Variants in GLRB observed in about 807,000 individuals in gnomAD.
The protein encoded by GLRB is glycine receptor beta, also known as glycine receptor subunit beta.
A neutral mutation model predicts 54.2 loss-of-function variants in GLRB; 33 were observed. The ratio of observed to expected loss-of-function variants is 0.61; its 90% confidence interval spans 0.46 to 0.81. The LOEUF is 0.81. Among genes scored for constraint, GLRB ranks in the 40% least tolerant of loss-of-function variants. GLRB has a pLI of 0.00. For missense variants in GLRB, 572 were observed against 584.6 expected, an observed-to-expected ratio of 0.98 and a Z score of 0.22; for synonymous variants, 209 against 208.2, an observed-to-expected ratio of 1.00 and a Z score of -0.03.
At chr4:157,127,822 C>CA (rs1736068823) in intron 4 of GLRB, among the ~76,000 whole-genome samples, 1 of 151,868 alleles carries the variant, frequency 6.6e-6, no homozygotes, top group African/African-American at 2.4e-5. Flanking sequence ...ACCAGCCCCT[C>CA]AGACAGAACA....
At chr4:157,098,301 C>T (rs994853606) in intron 2 of GLRB, among the ~76,000 whole-genome samples, 5 of 151,934 alleles carry the variant, frequency 3.3e-5, no homozygotes, top group Non-Finnish European at 5.9e-5. Context: ...CTATATTTAT[C>T]GATTTTACTG....
At chr4:157,120,909 T>C (rs984402944) in intron 3 of GLRB, among the ~76,000 whole-genome samples, 23 of 151,682 alleles carry the variant, frequency 1.5e-4, no homozygotes, top group Non-Finnish European at 2.4e-4. Flanking sequence ...AAGGATATAC[T>C]GTGAATTAAT....
intron 9 of GLRB, among the ~76,000 whole-genome samples, chr4:157,157,479 A>G (rs1737278261): frequency 6.6e-6 from 1 of 151,916 alleles, no homozygotes; most frequent in Non-Finnish European, 1.5e-5. Flanking sequence ...TCCTAATGCT[A>G]TCCCTCCCCG....
chr4:157,090,974 T>G (rs989716516), intron 2 of GLRB, among the ~76,000 whole-genome samples: 1 of 152,274 alleles, frequency 6.6e-6, no homozygotes, highest in Admixed American at 6.5e-5. Context: ...CTTCATTCAC[T>G]TTTGAAAAAT....
intron 8 of GLRB, among the ~76,000 whole-genome samples, chr4:157,149,103 C>T (rs963178407): frequency 6.6e-6 from 1 of 152,068 alleles, no homozygotes; most frequent in Non-Finnish European, 1.5e-5. Flanking sequence ...TTTTCCCCTA[C>T]ATTCTCCCAA....
At chr4:157,102,981 A>G (rs75986102) in intron 2 of GLRB, among the ~76,000 whole-genome samples, 1,842 of 152,144 alleles carry the variant, frequency 0.012, 34 homozygotes, top group East Asian at 0.1. Context: ...CCTGGCCAAC[A>G]TAGTGAAACC....
intron 8 of GLRB, among the ~76,000 whole-genome samples, chr4:157,150,530 C>A (rs62331485): frequency 0.19 from 28,158 of 151,970 alleles, 2,800 homozygotes; most frequent in South Asian, 0.3. Context: ...AACATCTTTA[C>A]CTCACAAAGT....
intron 2 of GLRB, among the ~76,000 whole-genome samples, chr4:157,085,328 A>G (rs934692066): frequency 6.6e-6 from 1 of 151,760 alleles, no homozygotes; most frequent in Non-Finnish European, 1.5e-5. Context: ...GCCGCCTCCA[A>G]CTCTTGGCCT....
intron 2 of GLRB, among the ~76,000 whole-genome samples, chr4:157,090,387 G>A (rs996275905): frequency 6.6e-6 from 1 of 152,172 alleles, no homozygotes; most frequent in Non-Finnish European, 1.5e-5. Flanking sequence ...TTAATGGCTG[G>A]TTTAATGGAA....
intron 2 of GLRB, among the ~76,000 whole-genome samples, chr4:157,100,827 C>T (rs1734992430): frequency 6.6e-6 from 1 of 152,122 alleles, no homozygotes; most frequent in Non-Finnish European, 1.5e-5. Context: ...CAAACTATGA[C>T]ACTGAATAGT....
intron 9 of GLRB, 142 bp from the exon 10 acceptor site, chr4:157,170,290 G>A (rs1431181162): frequency 6.4e-6 from 4 of 621,942 alleles, no homozygotes; most frequent in Non-Finnish European, 1.1e-5. Flanking sequence ...GGTTTAATCA[G>A]ATAACCATTC....
At chr4:157,084,964 T>C (rs1490689933) in intron 2 of GLRB, among the ~76,000 whole-genome samples, 1 of 152,210 alleles carries the variant, frequency 6.6e-6, no homozygotes, top group Admixed American at 6.5e-5. Context: ...ATAAAATGGA[T>C]ACTATTGAAA....
chr4:157,115,277 A>G (rs918860838), intron 2 of GLRB, among the ~76,000 whole-genome samples: 3 of 133,116 alleles, frequency 2.3e-5, no homozygotes, highest in African/African-American at 8.6e-5. Context: ...TTTCCTGAAC[A>G]CTTCTTTAAT....
chr4:157,169,516 C>T (rs994308658), intron 9 of GLRB, among the ~76,000 whole-genome samples: 3 of 151,972 alleles, frequency 2.0e-5, no homozygotes, highest in Non-Finnish European at 2.9e-5. Context: ...TACTCAAGTC[C>T]CTGCAGTCTG....
At position 157,085,729 on chromosome 4, in the gene GLRB, C is replaced by T. The variant is rs546796879; in HGVS notation, c.122+7583C>T. On this transcript the variant is annotated intron_variant, in intron 2 of 9. Coordinates refer to ENST00000264428, the MANE Select transcript of GLRB (RefSeq NM_000824.5). Reference sequence around the variant, plus strand: ...AGCCAGGATGGTCTCGATCTCCTGACCTCGTGATCCACCCACCTCGGCCTC... The same window carrying T: ...AGCCAGGATGGTCTCGATCTCCTGATCTCGTGATCCACCCACCTCGGCCTC... 5.9e-5 allele frequency among the ~76,000 whole-genome samples: 9 copies of T among 152,154 alleles called. No individual in the cohort carries two copies. The South Asian group carries it at 1.9e-3, about 32-fold the overall frequency.
rs1052745228 is a variant in GLRB, at chr4:157,163,574, G to C, written c.1198-6858G>C. ...TTCTGTAGTATTTGGCAAGAATAGA[G>C]AGGTTAATATCTAAAAGTGTTCTGT... On this transcript the variant is annotated intron_variant, in intron 9 of 9. Transcript: ENST00000264428. Among the ~76,000 whole-genome samples, 51 of 152,266 alleles carry C rather than the reference G, an allele frequency of 3.3e-4. 1 individual carries two copies. Among genetic ancestry groups the C allele is most frequent in the African/African-American group, 1.2e-3 (51 of 41,556 alleles).
At chr4:157,160,898 T>C (rs1737458293) in intron 9 of GLRB, among the ~76,000 whole-genome samples, 1 of 152,198 alleles carries the variant, frequency 6.6e-6, no homozygotes, top group Non-Finnish European at 1.5e-5. Flanking sequence ...GTTATCTTTC[T>C]GTGTCGTTGA....
chr4:157,078,988 G>T (rs895882561), intron 2 of GLRB, among the ~76,000 whole-genome samples: 1 of 152,076 alleles, frequency 6.6e-6, no homozygotes, highest in African/African-American at 2.4e-5. Flanking sequence ...TGACCTGTCT[G>T]GTCTCCAACT....
At chr4:157,103,145 G>T (rs147064275) in intron 2 of GLRB, among the ~76,000 whole-genome samples, 5 of 143,142 alleles carry the variant, frequency 3.5e-5, no homozygotes, top group Non-Finnish European at 7.6e-5. Flanking sequence ...GAGAGACTCC[G>T]TCTCAAAAAA....
Sources: gnomAD v4.1 joint callset for allele counts (sites outside exome capture counted in the v4.1 genomes callset) on GRCh38, gnomAD v4.1.1 for gene constraint, MANE v1.5 for transcripts, NCBI Gene and HGNC (gene_info 2026-07-23, HGNC 2026-07-21) for gene names.